Variants in TENM1 observed in about 807,000 individuals in gnomAD.
TENM1 encodes teneurin transmembrane protein 1, also known as teneurin-1.
A neutral mutation model predicts 174.8 loss-of-function variants in TENM1; 35 were observed. That is an observed-to-expected ratio of 0.20 (90% CI 0.15 to 0.27). The LOEUF (loss-of-function observed/expected upper bound fraction) is 0.27, where lower values mean the gene tolerates loss of function less well. TENM1 is among the 10% of genes least tolerant of loss of function. The probability of loss-of-function intolerance (pLI) is 1.00; values close to 1 mark genes in which losing one functional copy is unlikely to be tolerated. For synonymous variants in TENM1, 781 were observed against 798.7 expected (o/e 0.98, Z 0.37); for missense variants, 1,633 against 2,130.1 (o/e 0.77, Z 4.59).
chrX:124,961,542 G>A (rs1289347860), intron 1 of TENM1, among the ~76,000 whole-genome samples: 1 of 111,396 alleles, frequency 9.0e-6, no homozygotes, highest in Admixed American at 9.6e-5. Flanking sequence ...TACTCGGGAG[G>A]CTAAGGCACG....
At chrX:125,148,594 C>T in the TENM1 span, among the ~76,000 whole-genome samples, 1 of 111,846 alleles carries the variant, frequency 8.9e-6, no homozygotes, top group African/African-American at 3.3e-5. Context: ...CTCTAATTCT[C>T]TCTTGAACTC....
the TENM1 span, among the ~76,000 whole-genome samples, chrX:124,987,701 T>TTGTGTGTGTGTGTGTGTG: frequency 1.1e-5 from 1 of 91,384 alleles, no homozygotes; most frequent in African/African-American, 4.1e-5. Flanking sequence ...GTTCTGCATT[T>TTGTGTGTGTGTGTGTGTG]TGTGTGTGTG....
At chrX:124,565,320 T>A (rs780536629) in intron 12 of TENM1, 55 bp downstream of exon 15, 1 of 972,913 alleles carries the variant, frequency 1.0e-6, no homozygotes, top group African/African-American at 1.9e-5. Context: ...CTCACTAGAC[T>A]GCTCTTAACT....
At chrX:124,384,976 G>T in intron 29 of TENM1, 122 bp from the exon 33 acceptor site, 1 of 567,752 alleles carries the variant, frequency 1.8e-6, no homozygotes, top group Non-Finnish European at 2.6e-6. Flanking sequence ...ATTAGAGACT[G>T]ATCTCTGATA....
the TENM1 span, among the ~76,000 whole-genome samples, chrX:125,109,916 G>A: frequency 3.6e-5 from 4 of 111,702 alleles, no homozygotes; most frequent in Non-Finnish European, 5.6e-5. Context: ...GGATCCATTG[G>A]AGATTGTTTG....
At chrX:124,529,927 C>T in exon 16 of TENM1, 1 of 1,211,062 alleles carries the variant, frequency 8.3e-7, no homozygotes, top group Non-Finnish European at 1.1e-6. Flanking sequence ...GACATTCACT[C>T]CCACTAGAGG....
intron 3 of TENM1, among the ~76,000 whole-genome samples, chrX:124,874,379 G>A (rs2057161590): frequency 9.1e-6 from 1 of 109,642 alleles, no homozygotes; most frequent in African/African-American, 3.3e-5. Flanking sequence ...TTTTTCATAT[G>A]TCCAAGAACC....
intron 1 of TENM1, among the ~76,000 whole-genome samples, chrX:124,905,918 A>G (rs949624212): frequency 1.1e-4 from 12 of 112,205 alleles, no homozygotes; most frequent in African/African-American, 3.9e-4. Flanking sequence ...GGAAATAGTC[A>G]CTGTTTCCAA....
chrX:124,931,258 C>CA (rs548457755), intron 1 of TENM1, among the ~76,000 whole-genome samples: 8,966 of 74,098 alleles, frequency 0.12, 943 homozygotes, highest in African/African-American at 0.34. Context: ...AACACAAAAG[C>CA]AAAAAAAAAA....
intron 14 of TENM1, among the ~76,000 whole-genome samples, chrX:124,555,801 A>G (rs2048680520): frequency 8.9e-6 from 1 of 112,222 alleles, no homozygotes; most frequent in South Asian, 3.8e-4. Context: ...GGTCATCCAC[A>G]TCAATTTGTG....
At chrX:124,648,723 C>T (rs1462536983) in intron 8 of TENM1, among the ~76,000 whole-genome samples, 3 of 111,887 alleles carry the variant, frequency 2.7e-5, no homozygotes, top group African/African-American at 9.7e-5. Context: ...TTCCCCCATG[C>T]TGGATGGTTA....
intron 15 of TENM1, among the ~76,000 whole-genome samples, chrX:124,530,303 T>G (rs764886520): frequency 5.4e-5 from 6 of 110,838 alleles, no homozygotes; most frequent in Non-Finnish European, 1.1e-4. Flanking sequence ...TCCTATAACT[T>G]GCTTAACCTA....
At chrX:124,755,186 T>C (rs1418514228) in intron 3 of TENM1, among the ~76,000 whole-genome samples, 1 of 105,289 alleles carries the variant, frequency 9.5e-6, no homozygotes, top group African/African-American at 3.8e-5. Context: ...ATTGGGTGCA[T>C]ATATATTTAG....
At chrX:124,809,508 T>A (rs2055702171) in intron 3 of TENM1, among the ~76,000 whole-genome samples, 1 of 111,665 alleles carries the variant, frequency 9.0e-6, no homozygotes, top group Non-Finnish European at 1.9e-5. Context: ...ATCACAGGAA[T>A]GAAAGGATGA....
intron 11 of TENM1, among the ~76,000 whole-genome samples, chrX:124,577,514 A>T (rs2049196434): frequency 8.9e-6 from 1 of 111,863 alleles, no homozygotes. Flanking sequence ...ATTTAGTTTT[A>T]AAAAAATTTA....
chrX:124,892,048 G>GT (rs2057485290), intron 3 of TENM1, among the ~76,000 whole-genome samples: 1 of 111,410 alleles, frequency 9.0e-6, no homozygotes, highest in South Asian at 3.8e-4. Flanking sequence ...GAGTAGTAAT[G>GT]TTGTTAGTAA....
At chrX:124,648,117 C>A (rs1445258723) in intron 8 of TENM1, among the ~76,000 whole-genome samples, 1 of 111,801 alleles carries the variant, frequency 8.9e-6, no homozygotes, top group Non-Finnish European at 1.9e-5. Flanking sequence ...TCTAGATCTA[C>A]CAAACCTGCT....
chrX:124,639,785 A>C (rs767717174), intron 11 of TENM1, among the ~76,000 whole-genome samples: 26 of 111,618 alleles, frequency 2.3e-4, no homozygotes, highest in African/African-American at 7.8e-4. Flanking sequence ...ATCATTTTTA[A>C]CTTAAAGCTC....
intron 5 of TENM1, among the ~76,000 whole-genome samples, chrX:124,683,264 C>T (rs1472134885): frequency 9.0e-6 from 1 of 111,664 alleles, no homozygotes; most frequent in Non-Finnish European, 1.9e-5. Flanking sequence ...AGAGCTGACA[C>T]TAGGACCCTA....
Sources: allele counts gnomAD v4.1 joint callset (sites outside exome capture counted in the v4.1 genomes callset), GRCh38; gene constraint gnomAD v4.1.1; transcripts MANE v1.5; gene names NCBI Gene and HGNC (gene_info 2026-07-23, HGNC 2026-07-21).